The following MTMR2 variants were observed in gnomAD, a reference collection of about 807,000 sequenced individuals.
MTMR2 encodes the protein phosphatidylinositol-3,5-bisphosphate 3-phosphatase MTMR2.
A neutral mutation model predicts 86.9 loss-of-function variants in MTMR2; 55 were observed. That is an observed-to-expected ratio of 0.63 (90% CI 0.51 to 0.79). The LOEUF is 0.79. Ranked by LOEUF, MTMR2 falls within the 30% of genes least tolerant of loss-of-function variation. The pLI is 0.00. For synonymous variants in MTMR2, 241 were observed against 266.8 expected (o/e 0.90, Z 0.94); for missense variants, 659 against 772.3 (o/e 0.85, Z 1.74).
chr11:95,854,996 G>A (rs1448337662), intron 7 of MTMR2, among the ~76,000 whole-genome samples: 1 of 150,428 alleles, frequency 6.6e-6, no homozygotes, highest in African/African-American at 2.5e-5. Flanking sequence ...TTTTGGTAGA[G>A]ACAGGGTTTC....
intron 2 of MTMR2, among the ~76,000 whole-genome samples, chr11:95,875,635 G>A (rs553548477): frequency 6.6e-6 from 1 of 152,270 alleles, no homozygotes; most frequent in Admixed American, 6.5e-5. Context: ...TTCCGTTGTT[G>A]GTGAGGAGCT....
chr11:95,871,934 G>C (rs1864905280), intron 2 of MTMR2, among the ~76,000 whole-genome samples: 1 of 152,182 alleles, frequency 6.6e-6, no homozygotes, highest in South Asian at 2.1e-4. Flanking sequence ...AAGGGATCCA[G>C]TTTCAGCTTT....
At chr11:95,897,625 T>C (rs1865924466) in intron 1 of MTMR2, among the ~76,000 whole-genome samples, 1 of 152,130 alleles carries the variant, frequency 6.6e-6, no homozygotes, top group African/African-American at 2.4e-5. Context: ...CTTTAAATAT[T>C]TTCATTTATA....
chr11:95,874,837 T>TC (rs1865042152), intron 2 of MTMR2, among the ~76,000 whole-genome samples: 2 of 152,178 alleles, frequency 1.3e-5, no homozygotes, highest in Non-Finnish European at 2.9e-5. Flanking sequence ...AAGGATTTTA[T>TC]TTCTCCTTCA....
intron 12 of MTMR2, among the ~76,000 whole-genome samples, chr11:95,839,164 CA>C (rs2033063735): frequency 6.6e-6 from 1 of 151,652 alleles, no homozygotes; most frequent in African/African-American, 2.4e-5. Flanking sequence ...TACATTTTAG[CA>C]AGTATAGACA....
At position 95,923,901 on chromosome 11, in the gene MTMR2, C is replaced by T. The variant is rs372164252; in HGVS notation, c.54G>A (p.Arg18=). Residue 18 remains arginine (R), a synonymous_variant, in exon 1 of 15, where the codon CGG becomes CGA. Coordinates refer to ENST00000346299, the MANE Select transcript of MTMR2 (RefSeq NM_016156.6). The part of the protein sequence containing the change: ...ESLGSQPAAA[R]PPSVDSLSSA... ...TGGACAAGGAGTCCACGCTGGGCGG[C>T]CGAGCCGCCGCCGGCTGGGAGCCAA... is the stretch of plus-strand genomic sequence containing the variant. 59 of 1,558,032 alleles carry T rather than the reference C, an allele frequency of 3.8e-5. 1 individual carries two copies. The Middle Eastern group carries it at 1.0e-3, about 27-fold the overall frequency.
intron 1 of MTMR2, among the ~76,000 whole-genome samples, chr11:95,895,863 T>C (rs1865863303): frequency 6.6e-6 from 1 of 152,172 alleles, no homozygotes; most frequent in South Asian, 2.1e-4. Flanking sequence ...CATGAATATG[T>C]ACATGAATGT....
intron 1 of MTMR2, chr11:95,914,244 T>C: frequency 1.0e-6 from 1 of 979,682 alleles, no homozygotes; most frequent in Non-Finnish European, 1.2e-6. Flanking sequence ...TCACTTACAT[T>C]ATAATTTTTG....
chr11:95,899,520 G>A (rs1201389668), intron 1 of MTMR2, among the ~76,000 whole-genome samples: 1 of 151,880 alleles, frequency 6.6e-6, no homozygotes, highest in African/African-American at 2.4e-5. Context: ...GTTCTATGAA[G>A]ATATAAGTGT....
At chr11:95,838,758 G>A (rs1200766030) in intron 12 of MTMR2, among the ~76,000 whole-genome samples, 1 of 151,978 alleles carries the variant, frequency 6.6e-6, no homozygotes, top group Non-Finnish European at 1.5e-5. Context: ...CATCAAACCA[G>A]AGTCCCTTGT....
At chr11:95,904,413 T>C (rs1437254203) in intron 1 of MTMR2, among the ~76,000 whole-genome samples, 5 of 152,194 alleles carry the variant, frequency 3.3e-5, no homozygotes, top group South Asian at 4.1e-4. Context: ...CCATCTTGAA[T>C]AGGGGCTGGG....
intron 2 of MTMR2, among the ~76,000 whole-genome samples, chr11:95,869,673 TGA>T (rs1207504171): frequency 3.9e-5 from 6 of 152,166 alleles, no homozygotes; most frequent in African/African-American, 1.4e-4. Context: ...CCAAAGAGTC[TGA>T]CACAACTTAG....
chr11:95,923,975 G>A lies in MTMR2; in HGVS notation c.-21C>T, dbSNP rs1867041858. 7.7e-6 allele frequency: 12 copies of A among 1,554,028 alleles called. No individual in the cohort carries two copies. Among genetic ancestry groups the A allele is most frequent in the Non-Finnish European group, 1.0e-5 (12 of 1,148,564 alleles). ...TCCATCGCGCGGCAGGGGCAGCACA[G>A]GGAAAGGCTGAAGCAGTCTTCGCGG... is the stretch of plus-strand genomic sequence containing the variant. On this transcript the variant is annotated 5_prime_UTR_variant, in exon 1 of 15. Transcript: ENST00000346299.
chr11:95,868,265 C>A lies in MTMR2; in HGVS notation c.187-2589G>T, dbSNP rs187415033. On this transcript the variant is annotated intron_variant, in intron 2 of 14. Coordinates refer to ENST00000346299, the MANE Select transcript of MTMR2 (RefSeq NM_016156.6). ...TCCAGCCTAGGCAATGGGAGTGAGA[C>A]CCTGTGCTAAAAAAAAAAAAAAAAA... is the stretch of plus-strand genomic sequence containing the variant. Among the ~76,000 whole-genome samples, 4 of 91,954 alleles carry A rather than the reference C, an allele frequency of 4.4e-5. No homozygotes were observed. In the Admixed American group the frequency reaches 7.6e-4, roughly 18 times the overall value. 60.3% of individuals were successfully genotyped at this position (91,954 alleles called of 152,430 possible).
chr11:95,888,084 T>TAA, intron 2 of MTMR2, 72 bp downstream of exon 2: 1 of 1,106,018 alleles, frequency 9.0e-7, no homozygotes, highest in South Asian at 1.3e-5. Context: ...GCTAAATTAG[T>TAA]TATATTGATA....
chr11:95,893,532 C>A (rs188403141), intron 1 of MTMR2, among the ~76,000 whole-genome samples: 1 of 152,070 alleles, frequency 6.6e-6, no homozygotes, highest in Non-Finnish European at 1.5e-5. Flanking sequence ...TATCCGTATC[C>A]ATTAGCCACG....
In MTMR2 at chr11:95,850,594, A is replaced by G. The variant is rs1361773284; in HGVS notation, c.804+6T>C. On this transcript the variant is annotated splice_donor_region_variant and intron_variant, in intron 8 of 14. Coordinates refer to ENST00000346299, the MANE Select transcript of MTMR2 (RefSeq NM_016156.6). ...TTGCAAAGGCTCATCCAAACTTCCT[A>G]CTTACTGGGATACGGCCTCTTGATC... The G allele has an allele frequency of 1.3e-6, 2 of 1,591,516 alleles. No individual in the cohort carries two copies. Among genetic ancestry groups the G allele is most frequent in the East Asian group, 2.2e-5 (1 of 44,864 alleles).
intron 5 of MTMR2, 45 bp from the exon 6 acceptor site, chr11:95,858,677 C>T: frequency 8.4e-7 from 1 of 1,185,000 alleles, no homozygotes. Context: ...TCACTACTTA[C>T]TTAAATGAAT....
chr11:95,835,110 T>TACTTCAC lies in MTMR2; in HGVS notation c.*173_*179dup. 1.6e-6 allele frequency: 1 copy of TACTTCAC among 629,046 alleles called. No homozygotes were observed. The allele number at this position is 629,046 out of a possible 1,614,324, so 39.0% of individuals were successfully genotyped here. On this transcript the variant is annotated 3_prime_UTR_variant, in exon 15 of 15. Coordinates refer to ENST00000346299, the MANE Select transcript of MTMR2 (RefSeq NM_016156.6). ...ATAATCATGTAATTACATATGGAGT[T>TACTTCAC]ACTTCACTTAAGCCACCTGCACTGC...
Sources: allele counts gnomAD v4.1 joint callset (sites outside exome capture counted in the v4.1 genomes callset), GRCh38; gene constraint gnomAD v4.1.1; transcripts MANE v1.5; gene names NCBI Gene and HGNC (gene_info 2026-07-23, HGNC 2026-07-21).